CCSER1: variants seen among roughly 807,000 people sequenced by gnomAD.
CCSER1 encodes the protein serine-rich coiled-coil domain-containing protein 1.
In CCSER1, 41 loss-of-function variants were observed where a neutral mutation model predicts 82.0. That is an observed-to-expected ratio of 0.50 (90% CI 0.39 to 0.65). The LOEUF (loss-of-function observed/expected upper bound fraction) is 0.65, where lower values mean the gene tolerates loss of function less well. Among genes scored for constraint, CCSER1 ranks in the 30% least tolerant of loss-of-function variants. The probability of loss-of-function intolerance (pLI) is 0.00; values close to 1 mark genes in which losing one functional copy is unlikely to be tolerated. For synonymous variants in CCSER1, 414 were observed against 383.9 expected (o/e 1.08, Z -0.92); for missense variants, 1,119 against 1,064.2 (o/e 1.05, Z -0.72).
intron 4 of CCSER1, among the ~76,000 whole-genome samples, chr4:90,422,780 T>C (rs1756896570): frequency 6.6e-6 from 1 of 152,230 alleles, no homozygotes; most frequent in Admixed American, 6.5e-5. Flanking sequence ...CTTCAGGCTG[T>C]GTCTCAAATG....
intron 6 of CCSER1, among the ~76,000 whole-genome samples, chr4:90,687,471 G>T (rs75820240): frequency 0.028 from 4,271 of 151,650 alleles, 190 homozygotes; most frequent in African/African-American, 0.098. Context: ...AATGAAAATT[G>T]CTGGGTCATC....
chr4:91,227,297 A>G (rs1480641147), intron 10 of CCSER1, among the ~76,000 whole-genome samples: 1 of 151,932 alleles, frequency 6.6e-6, no homozygotes, highest in Non-Finnish European at 1.5e-5. Flanking sequence ...GTTAAAAAAA[A>G]AGGAAACCAG....
intron 8 of CCSER1, among the ~76,000 whole-genome samples, chr4:90,886,750 G>C (rs1453595566): frequency 6.6e-6 from 1 of 152,098 alleles, no homozygotes; most frequent in South Asian, 2.1e-4. Context: ...GACAAAGAAA[G>C]AACTACAGAG....
intron 9 of CCSER1, among the ~76,000 whole-genome samples, chr4:90,959,346 T>C (rs539263157): frequency 2.0e-5 from 3 of 152,302 alleles, no homozygotes; most frequent in East Asian, 3.9e-4. Context: ...CTTGGCCACC[T>C]ACTCTATGCC....
chr4:90,834,795 A>G (rs904646361), intron 8 of CCSER1, among the ~76,000 whole-genome samples: 4 of 152,182 alleles, frequency 2.6e-5, no homozygotes, highest in Non-Finnish European at 4.4e-5. Context: ...AGGAAATAAT[A>G]TGGCAGAATA....
At chr4:91,513,146 A>G (rs1257053349) in intron 10 of CCSER1, among the ~76,000 whole-genome samples, 2 of 152,132 alleles carry the variant, frequency 1.3e-5, no homozygotes, top group African/African-American at 2.4e-5. Context: ...TGTTCTTTCA[A>G]TGCCTAGTTT....
chr4:90,259,979 A>G lies in CCSER1; in HGVS notation c.-41-48265A>G, dbSNP rs114962149. 6.8e-3 allele frequency among the ~76,000 whole-genome samples: 1,034 copies of G among 152,234 alleles called. 9 individuals carry two copies. Among genetic ancestry groups the G allele is most frequent in the African/African-American group, 0.024 (1,000 of 41,568 alleles). On this transcript the variant is annotated intron_variant, in intron 1 of 10. Coordinates refer to ENST00000509176, the MANE Select transcript of CCSER1 (RefSeq NM_001145065.2). Reference sequence around the variant, plus strand: ...TTGCTATTAGGGTGGTACTGGCTTCATCGAATGACTTAGGGAAGATTCTCT... The same window carrying G: ...TTGCTATTAGGGTGGTACTGGCTTCGTCGAATGACTTAGGGAAGATTCTCT...
chr4:90,844,240 G>A (rs1362015535), intron 8 of CCSER1, among the ~76,000 whole-genome samples: 1 of 151,816 alleles, frequency 6.6e-6, no homozygotes, highest in Non-Finnish European at 1.5e-5. Flanking sequence ...AGAAAGAGAG[G>A]AAGACAGATA....
At chr4:90,992,220 C>A (rs1737097384) in intron 9 of CCSER1, among the ~76,000 whole-genome samples, 1 of 152,036 alleles carries the variant, frequency 6.6e-6, no homozygotes. Flanking sequence ...GGGGATCTTA[C>A]TGTTCTTTGT....
chr4:90,227,671 C>A (rs555833403), intron 1 of CCSER1, among the ~76,000 whole-genome samples: 4 of 152,208 alleles, frequency 2.6e-5, no homozygotes, highest in Admixed American at 6.5e-5. Context: ...GCGTGAGCGA[C>A]GCAGAAGATG....
chr4:90,657,968 T>C (rs11945942), intron 6 of CCSER1, among the ~76,000 whole-genome samples: 77,955 of 151,900 alleles, frequency 0.51, 20,257 homozygotes, highest in Middle Eastern at 0.67. Flanking sequence ...CTGGGCATGG[T>C]GGTGCATACT....
chr4:91,174,576 T>C (rs569436112), intron 10 of CCSER1, among the ~76,000 whole-genome samples: 55 of 152,224 alleles, frequency 3.6e-4, no homozygotes, highest in African/African-American at 1.2e-3. Context: ...CAGCCCCACA[T>C]GCATTAGGTA....
At chr4:90,787,650 A>G (rs528812973) in intron 7 of CCSER1, among the ~76,000 whole-genome samples, 10 of 152,298 alleles carry the variant, frequency 6.6e-5, no homozygotes, top group Admixed American at 5.2e-4. Flanking sequence ...ATTTTTTCCC[A>G]TGTCTGGAGG....
chr4:91,133,026 G>T (rs1196884551), intron 10 of CCSER1, among the ~76,000 whole-genome samples: 1 of 152,146 alleles, frequency 6.6e-6, no homozygotes, highest in African/African-American at 2.4e-5. Context: ...AAATTCATTA[G>T]CATAGGGAAG....
At chr4:90,305,701 A>G (rs1734135832) in intron 1 of CCSER1, among the ~76,000 whole-genome samples, 1 of 152,208 alleles carries the variant, frequency 6.6e-6, no homozygotes, top group Non-Finnish European at 1.5e-5. Flanking sequence ...ATTCATATGG[A>G]GAAAAGGGAA....
chr4:91,409,687 TC>T (rs1196993089), intron 10 of CCSER1, among the ~76,000 whole-genome samples: 1 of 152,214 alleles, frequency 6.6e-6, no homozygotes, highest in Non-Finnish European at 1.5e-5. Flanking sequence ...TTTGTCTTTT[TC>T]TTTTTTCTTT....
chr4:90,254,336 A>C (rs531919600), intron 1 of CCSER1, among the ~76,000 whole-genome samples: 1 of 152,244 alleles, frequency 6.6e-6, no homozygotes, highest in African/African-American at 2.4e-5. Context: ...CTTCTCTAGG[A>C]ATGACAGCCT....
chr4:91,126,954 A>G (rs2148901124), intron 10 of CCSER1, among the ~76,000 whole-genome samples: 1 of 152,014 alleles, frequency 6.6e-6, no homozygotes, highest in African/African-American at 2.4e-5. Flanking sequence ...TCCACCCAGG[A>G]GGCAAGTAGA....
intron 3 of CCSER1, among the ~76,000 whole-genome samples, chr4:90,319,070 T>A (rs910859773): frequency 3.3e-5 from 5 of 152,230 alleles, no homozygotes; most frequent in African/African-American, 9.6e-5. Context: ...CTGTGCCTTA[T>A]CTCACACACT....
Sources: allele counts gnomAD v4.1 joint callset (sites outside exome capture counted in the v4.1 genomes callset), GRCh38; gene constraint gnomAD v4.1.1; transcripts MANE v1.5; gene names NCBI Gene and HGNC (gene_info 2026-07-23, HGNC 2026-07-21).